UHRF2: variants seen among roughly 807,000 people sequenced by gnomAD.
UHRF2 encodes ubiquitin like with PHD and ring finger domains 2.
A neutral mutation model predicts 96.8 loss-of-function variants in UHRF2; 23 were observed. The ratio of observed to expected loss-of-function variants is 0.24; its 90% CI spans 0.17 to 0.34. The LOEUF (loss-of-function observed/expected upper bound fraction) is 0.34. UHRF2 is among the 10% of genes least tolerant of loss of function. The probability of loss-of-function intolerance (pLI) is 1.00; values close to 1 mark genes in which losing one functional copy is unlikely to be tolerated. For missense variants in UHRF2, 685 were observed against 981.5 expected (o/e 0.70, Z 4.04); for synonymous variants, 385 against 332.6 (o/e 1.16, Z -1.72).
chr9:6,439,231 C>G (rs1408187460), intron 3 of UHRF2, among the ~76,000 whole-genome samples: 1 of 152,182 alleles, frequency 6.6e-6, no homozygotes, highest in African/African-American at 2.4e-5. Flanking sequence ...ATGGCTTGGG[C>G]TGGAGTGCCG....
chr9:6,504,652 C>T lies in UHRF2; in HGVS notation c.2223C>T (p.Tyr741=). The change falls in exon 15 of 16, where the codon TAC becomes TAT. Residue 741 remains tyrosine (Y), a synonymous_variant. Coordinates refer to ENST00000276893, the MANE Select transcript of UHRF2 (RefSeq NM_152896.3). ...GCGTTTGCTGTCAGGAGCTAGTTTACCAGCCTGTGACAACTGAGTGCTTCC... is the reference window on the plus strand; with the variant it reads ...GCGTTTGCTGTCAGGAGCTAGTTTATCAGCCTGTGACAACTGAGTGCTTCC... ...FMCVCCQELV[Y]QPVTTECFHN... The T allele has an allele frequency of 6.2e-7, 1 of 1,613,760 alleles. No homozygotes were observed. Among genetic ancestry groups the T allele is most frequent in the Non-Finnish European group, 8.5e-7 (1 of 1,179,810 alleles).
chr9:6,494,627 C>T (rs1388519735), intron 10 of UHRF2: 2 of 151,936 alleles, frequency 1.3e-5, no homozygotes, highest in African/African-American at 4.8e-5. Context: ...TAACCCAGAC[C>T]ACCAGATAGC....
chr9:6,444,420 A>C (rs1352436881), intron 3 of UHRF2, among the ~76,000 whole-genome samples: 1 of 152,222 alleles, frequency 6.6e-6, no homozygotes, highest in Non-Finnish European at 1.5e-5. Flanking sequence ...AAAGAACTTT[A>C]CAGATACCAG....
At chr9:6,486,097 A>G (rs1043520889) in intron 8 of UHRF2, among the ~76,000 whole-genome samples, 1 of 152,224 alleles carries the variant, frequency 6.6e-6, no homozygotes, top group Non-Finnish European at 1.5e-5. Context: ...GTAATAAATC[A>G]TGTTGACTTG....
chr9:6,424,737 T>G (rs1285039797), intron 2 of UHRF2, among the ~76,000 whole-genome samples: 1 of 152,050 alleles, frequency 6.6e-6, no homozygotes, highest in African/African-American at 2.4e-5. Flanking sequence ...TGTGTAGTTT[T>G]TAAATCTCCT....
chr9:6,479,225 C>G (rs545776837), intron 6 of UHRF2, among the ~76,000 whole-genome samples: 2 of 152,302 alleles, frequency 1.3e-5, no homozygotes, highest in Admixed American at 6.5e-5. Context: ...CCTATTCATA[C>G]TTCAGCACTC....
intron 2 of UHRF2, among the ~76,000 whole-genome samples, chr9:6,426,384 A>C (rs960388912): frequency 1.3e-5 from 2 of 152,242 alleles, no homozygotes; most frequent in Admixed American, 6.5e-5. Context: ...TAAATCTTAC[A>C]TTAAGGTTCC....
At position 6,477,478 on chromosome 9, in the gene UHRF2, A is replaced by T. The variant is rs113879282; in HGVS notation, c.974-144A>T. ...GAGGCAGAGGCTGCAGTGAGCCAAG[A>T]TCACGCCATTGCACTCCAGCCTGGG... On this transcript the variant is annotated intron_variant, in intron 5 of 15. Transcript: ENST00000276893. 5.0e-3 allele frequency: 3,309 copies of T among 662,698 alleles called. 89 individuals carry two copies. The African/African-American group carries it at 0.056, about 11-fold the overall frequency. The allele number at this position is 662,698 out of a possible 1,614,324, so 41.1% of individuals were successfully genotyped here. A position where few individuals can be genotyped will look rare whatever the true frequency, so the allele number is the denominator to read the frequency against.
chr9:6,497,141 C>T (rs891481975), intron 10 of UHRF2, 57 bp from the exon 11 acceptor site: 14 of 1,519,740 alleles, frequency 9.2e-6, no homozygotes, highest in Middle Eastern at 2.3e-4. Context: ...GCTAATGACT[C>T]GATTGTGTAC....
intron 3 of UHRF2, among the ~76,000 whole-genome samples, chr9:6,454,034 C>T (rs1822031046): frequency 6.6e-6 from 1 of 152,076 alleles, no homozygotes; most frequent in Non-Finnish European, 1.5e-5. Context: ...TTTACTTTAC[C>T]CCCATTATGT....
intron 3 of UHRF2, among the ~76,000 whole-genome samples, chr9:6,434,945 C>G (rs1227198786): frequency 6.6e-6 from 1 of 152,002 alleles, no homozygotes; most frequent in Admixed American, 6.6e-5. Context: ...ATCTTCCCAC[C>G]TTAGCCTCCC....
At chr9:6,505,905 C>T (rs1315648597) in intron 15 of UHRF2, 128 bp from the exon 16 acceptor site, 1 of 965,730 alleles carries the variant, frequency 1.0e-6, no homozygotes. Context: ...AGATTCAAGC[C>T]TTTATGTTTG....
At chr9:6,482,182 A>G (rs761899928) in intron 8 of UHRF2, 83 bp downstream of exon 8, 2 of 1,077,068 alleles carry the variant, frequency 1.9e-6, no homozygotes, top group Non-Finnish European at 2.8e-6. Flanking sequence ...ATTGTAAGTG[A>G]ACCTAACACA....
chr9:6,453,831 G>C (rs1297887723), intron 3 of UHRF2, among the ~76,000 whole-genome samples: 2 of 152,134 alleles, frequency 1.3e-5, no homozygotes, highest in African/African-American at 4.8e-5. Context: ...CTTGGACCCA[G>C]GAGGCGGAGG....
chr9:6,426,488 G>C (rs1267029966), intron 2 of UHRF2, among the ~76,000 whole-genome samples: 1 of 152,144 alleles, frequency 6.6e-6, no homozygotes, highest in Non-Finnish European at 1.5e-5. Context: ...TTTAATCTTA[G>C]TTGAAGCTAC....
chr9:6,482,660 G>A (rs527935359), intron 8 of UHRF2, among the ~76,000 whole-genome samples: 99 of 150,324 alleles, frequency 6.6e-4, no homozygotes, highest in Admixed American at 1.6e-3. Context: ...GCAGTGGTGC[G>A]ATCTCAGCTC....
chr9:6,424,664 A>G (rs1478575031), intron 2 of UHRF2, among the ~76,000 whole-genome samples: 2 of 151,018 alleles, frequency 1.3e-5, no homozygotes, highest in Non-Finnish European at 2.9e-5. Context: ...AATGACCCAT[A>G]TTTTCTTAGC....
intron 1 of UHRF2, among the ~76,000 whole-genome samples, chr9:6,416,715 A>G (rs906444429): frequency 2.0e-5 from 3 of 150,500 alleles, no homozygotes; most frequent in South Asian, 2.1e-4. Context: ...GATTTTTTGT[A>G]TTTTTAGTAG....
intron 14 of UHRF2, among the ~76,000 whole-genome samples, chr9:6,502,749 A>G (rs1294739908): frequency 6.6e-6 from 1 of 152,230 alleles, no homozygotes; most frequent in Non-Finnish European, 1.5e-5. Flanking sequence ...ATATACCCGT[A>G]TTATAGGAAC....
Sources: allele counts gnomAD v4.1 joint callset (sites outside exome capture counted in the v4.1 genomes callset), GRCh38; gene constraint gnomAD v4.1.1; transcripts MANE v1.5; gene names NCBI Gene and HGNC (gene_info 2026-07-23, HGNC 2026-07-21).